NFAT5: variants seen among roughly 807,000 people sequenced by gnomAD.
NFAT5 encodes the protein nuclear factor of activated T-cells 5.
A neutral mutation model predicts 166.5 loss-of-function variants in NFAT5; 31 were observed. That is an observed-to-expected ratio of 0.19 (90% CI 0.14 to 0.25). The LOEUF (loss-of-function observed/expected upper bound fraction) is 0.25. Ranked by LOEUF, NFAT5 falls within the 10% of genes least tolerant of loss-of-function variation. NFAT5 has a pLI of 1.00. For synonymous variants in NFAT5, 612 were observed against 639.7 expected, an observed-to-expected ratio of 0.96 and a Z score of 0.65; for missense variants, 1,449 against 1,821.8, an observed-to-expected ratio of 0.80 and a Z score of 3.72.
intron 3 of NFAT5, among the ~76,000 whole-genome samples, chr16:69,644,500 A>G (rs1446089401): frequency 1.3e-5 from 2 of 152,182 alleles, no homozygotes; most frequent in African/African-American, 2.4e-5. Context: ...GCAGTTGTGC[A>G]CACACAATCG....
chr16:69,692,732 G>T lies in NFAT5; in HGVS notation c.2907G>T (p.Gln969His), dbSNP rs760690970. 4.3e-6 allele frequency: 7 copies of T among 1,614,248 alleles called. No homozygotes were observed. The highest frequency in any genetic ancestry group is 5.9e-6 in the Non-Finnish European group (7 of 1,180,050). Residue 969 changes from glutamine (Q) to histidine (H), a missense_variant, in exon 13 of 15, where the codon CAG becomes CAT. By Grantham distance (24) the Gln-to-His change is conservative (BLOSUM62 0). Around this residue, in one of 7 missense-constraint regions of NFAT5, gnomAD observed 891 missense variants for 993.0 expected, o/e 0.90. Transcript: ENST00000349945. ...CTACCAATGAGGATATGCAAATGCAGTGTGAATTGTTTTCTTCTCCTCCTG... is the reference window on the plus strand; with the variant it reads ...CTACCAATGAGGATATGCAAATGCATTGTGAATTGTTTTCTTCTCCTCCTG... ...ALSTNEDMQM[Q>H]CELFSSPPAV...
chr16:69,645,026 A>G (rs1597461271), intron 3 of NFAT5, among the ~76,000 whole-genome samples: 1 of 152,200 alleles, frequency 6.6e-6, no homozygotes, highest in Admixed American at 6.5e-5. Flanking sequence ...CGTTTTTGCC[A>G]ATAGTTGGAA....
chr16:69,603,244 C>A (rs768781196), intron 2 of NFAT5, among the ~76,000 whole-genome samples: 7 of 152,012 alleles, frequency 4.6e-5, no homozygotes, highest in Non-Finnish European at 8.8e-5. Flanking sequence ...CTTTATATCT[C>A]CCTTAAATCC....
chr16:69,633,462 C>CTTATAAA (rs1173701689), intron 3 of NFAT5, among the ~76,000 whole-genome samples: 1 of 152,136 alleles, frequency 6.6e-6, no homozygotes, highest in African/African-American at 2.4e-5. Flanking sequence ...AAAGGAACTT[C>CTTATAAA]ACCTGTTTCT....
Position 69,692,660 on chromosome 16 carries a change from G to T in NFAT5, c.2835G>T (p.Gln945His). The stretch of plus-strand genomic sequence containing the variant: ...CTGCTTCAGCAAATGGAAACCTTCA[G>T]CAATCGCCAGTTTACCAGCAGACTT... Reference protein sequence around the residue: ...PSTASANGNLQQSPVYQQTSH... With the variant: ...PSTASANGNLHQSPVYQQTSH... Residue 945 changes from glutamine (Q) to histidine (H), a missense_variant, in exon 13 of 15, where the codon CAG (glutamine) becomes CAT (histidine). Physicochemically the swap from Gln to His is conservative, Grantham distance 24. Around this residue, in one of 7 missense-constraint regions of NFAT5, gnomAD observed 891 missense variants for 993.0 expected, o/e 0.90. Coordinates refer to ENST00000349945, the MANE Select transcript of NFAT5 (RefSeq NM_138713.4). 1.9e-6 allele frequency: 3 copies of T among 1,614,220 alleles called. No homozygotes were observed. Among genetic ancestry groups the T allele is most frequent in the Non-Finnish European group, 2.5e-6 (3 of 1,180,052 alleles).
At chr16:69,569,695 G>C (rs2016321351) in intron 2 of NFAT5, among the ~76,000 whole-genome samples, 1 of 152,162 alleles carries the variant, frequency 6.6e-6, no homozygotes, top group Non-Finnish European at 1.5e-5. Context: ...GCCTAGCATA[G>C]CGTCTAGCTT....
At chr16:69,620,339 A>G (rs973106406) in intron 2 of NFAT5, among the ~76,000 whole-genome samples, 14 of 152,190 alleles carry the variant, frequency 9.2e-5, no homozygotes, top group African/African-American at 3.4e-4. Flanking sequence ...CAGTGCACTT[A>G]CCGTGGCATT....
chr16:69,649,614 T>C (rs2035585603), intron 4 of NFAT5: 2 of 917,370 alleles, frequency 2.2e-6, no homozygotes, highest in Non-Finnish European at 2.6e-6. Flanking sequence ...GATGGAAGAA[T>C]TTTAAAATTG....
intron 2 of NFAT5, among the ~76,000 whole-genome samples, chr16:69,591,941 A>T (rs2032484518): frequency 1.3e-5 from 2 of 152,152 alleles, no homozygotes; most frequent in African/African-American, 2.4e-5. Flanking sequence ...ATTTAAAAAA[A>T]AATTACAAAA....
intron 9 of NFAT5, among the ~76,000 whole-genome samples, chr16:69,674,275 T>G (rs891756556): frequency 2.6e-5 from 4 of 150,994 alleles, no homozygotes; most frequent in Non-Finnish European, 1.5e-5. Context: ...AATACGGTAT[T>G]ATAAATATTG....
At chr16:69,598,502 A>G (rs956441163) in intron 2 of NFAT5, among the ~76,000 whole-genome samples, 8 of 152,164 alleles carry the variant, frequency 5.3e-5, no homozygotes, top group African/African-American at 1.7e-4. Context: ...CGGGCACACA[A>G]TATCAACATA....
At position 69,691,754 on chromosome 16, in the gene NFAT5, A is replaced by G. The variant is rs749465771; in HGVS notation, c.1929A>G (p.Thr643=). 15 of 1,603,882 alleles carry G rather than the reference A, an allele frequency of 9.4e-6. No individual in the cohort carries two copies. In the South Asian group the frequency reaches 1.3e-4, roughly 14 times the overall value. The stretch of plus-strand genomic sequence containing the variant: ...TGGGGATTTTTATTTTTTAGACTAC[A>G]AAGTCTGTTGGATCAACTCAGCAAA... The part of the protein sequence containing the change: ...EKRSSTIFKT[T]KSVGSTQQTL... Residue 643 remains threonine, a synonymous_variant, in exon 13 of 15, where the codon ACA becomes ACG. Transcript: ENST00000349945.
intron 3 of NFAT5, among the ~76,000 whole-genome samples, chr16:69,642,915 AT>A (rs2035276785): frequency 6.6e-6 from 1 of 152,096 alleles, no homozygotes; most frequent in Non-Finnish European, 1.5e-5. Flanking sequence ...AAGAAAAAAA[AT>A]CAATAAAATT....
chr16:69,645,426 T>C, intron 3 of NFAT5, among the ~76,000 whole-genome samples: 1 of 152,222 alleles, frequency 6.6e-6, no homozygotes, highest in Non-Finnish European at 1.5e-5. Flanking sequence ...TGTGGCATTA[T>C]ATAGATCATA....
chr16:69,580,297 G>A (rs1188823137), intron 2 of NFAT5, among the ~76,000 whole-genome samples: 3 of 152,222 alleles, frequency 2.0e-5, no homozygotes, highest in African/African-American at 7.2e-5. Context: ...GGAGGCCAAG[G>A]TGGGTGGATC....
At chr16:69,672,994 T>TC (rs1330551536) in intron 9 of NFAT5, among the ~76,000 whole-genome samples, 2 of 149,328 alleles carry the variant, frequency 1.3e-5, no homozygotes, top group Non-Finnish European at 3.0e-5. Context: ...TCATAAGTTA[T>TC]CCTCCCTCCC....
At position 69,692,092 on chromosome 16, in the gene NFAT5, CACA is replaced by C. The variant is rs768126058; in HGVS notation, c.2274_2276del (p.Gln761del). ...AATTTGTCACAACTGACTGAGGCAT[CACA>C]ACAACAGCAGCAGTCACCACTACAA... On this transcript the variant is annotated inframe_deletion, in exon 13 of 15. Transcript: ENST00000349945. The C allele has an allele frequency of 2.4e-5, 39 of 1,613,994 alleles. 1 individual carries two copies. In the Admixed American group the frequency reaches 5.3e-4, roughly 22 times the overall value.
At chr16:69,682,420 C>T (rs971883843) in intron 10 of NFAT5, among the ~76,000 whole-genome samples, 6 of 147,988 alleles carry the variant, frequency 4.1e-5, no homozygotes, top group African/African-American at 1.3e-4. Flanking sequence ...CCAGCCTGGG[C>T]GATATAGTGA....
intron 3 of NFAT5, among the ~76,000 whole-genome samples, chr16:69,629,158 A>T (rs2034595972): frequency 6.6e-6 from 1 of 152,214 alleles, no homozygotes; most frequent in Non-Finnish European, 1.5e-5. Flanking sequence ...AAGGAGCCGG[A>T]TTGGCTGCTC....
Sources: allele counts gnomAD v4.1 joint callset (sites outside exome capture counted in the v4.1 genomes callset), GRCh38; gene constraint gnomAD v4.1.1; regional missense constraint gnomAD v4.1.1; transcripts MANE v1.5; gene names NCBI Gene and HGNC (gene_info 2026-07-23, HGNC 2026-07-21).